The following MARK3 variants were observed in gnomAD, a reference collection of about 807,000 sequenced individuals.
The protein encoded by MARK3 is MAP/microtubule affinity-regulating kinase 3.
Under a neutral mutation model 90.1 loss-of-function variants are expected in MARK3, and 46 were observed. The observed-to-expected ratio is 0.51, with a 90% CI of 0.40 to 0.65. The LOEUF (loss-of-function observed/expected upper bound fraction) is 0.65, where lower values mean the gene tolerates loss of function less well. MARK3 is among the 30% of genes least tolerant of loss of function. MARK3 has a pLI of 0.00. For synonymous variants in MARK3, 321 were observed against 332.6 expected, an observed-to-expected ratio of 0.97 and a Z score of 0.38; for missense variants, 818 against 947.2, an observed-to-expected ratio of 0.86 and a Z score of 1.79.
At chr14:103,438,163 G>A (rs2092761414) in intron 3 of MARK3, among the ~76,000 whole-genome samples, 1 of 152,130 alleles carries the variant, frequency 6.6e-6, no homozygotes, top group Admixed American at 6.6e-5. Context: ...ACCACGCCCA[G>A]CTAATTTTTT....
intron 17 of MARK3, among the ~76,000 whole-genome samples, chr14:103,500,515 C>T (rs986508754): frequency 2.0e-5 from 3 of 152,188 alleles, no homozygotes; most frequent in Non-Finnish European, 4.4e-5. Context: ...ATCACTGACC[C>T]CTCACATGGT....
chr14:103,439,732 T>C (rs1381802485), intron 3 of MARK3, among the ~76,000 whole-genome samples: 1 of 151,986 alleles, frequency 6.6e-6, no homozygotes, highest in African/African-American at 2.4e-5. Context: ...GTTTAAAAAA[T>C]TGTATAAATG....
chr14:103,458,816 A>G, intron 6 of MARK3: 1 of 654,388 alleles, frequency 1.5e-6, no homozygotes, highest in Non-Finnish European at 2.7e-6. Context: ...GGACTTATTA[A>G]GTTTCTTATA....
intron 1 of MARK3, among the ~76,000 whole-genome samples, chr14:103,398,318 C>T (rs557601874): frequency 1.2e-4 from 18 of 152,178 alleles, no homozygotes; most frequent in Non-Finnish European, 2.1e-4. Context: ...TTTGTATTCC[C>T]GTTTCTCTGC....
At chr14:103,458,734 A>C (rs1164531658) in intron 6 of MARK3, 3 of 723,932 alleles carry the variant, frequency 4.1e-6, no homozygotes, top group East Asian at 2.5e-5. Context: ...CAGGGTTGTC[A>C]AGCTGGACAG....
chr14:103,421,421 C>G (rs1250080397), intron 2 of MARK3, among the ~76,000 whole-genome samples: 4 of 152,112 alleles, frequency 2.6e-5, no homozygotes, highest in Non-Finnish European at 5.9e-5. Context: ...TGGAGCAAGG[C>G]ATCAGGAAAA....
At chr14:103,418,943 C>T (rs1156767379) in intron 2 of MARK3, among the ~76,000 whole-genome samples, 1 of 152,104 alleles carries the variant, frequency 6.6e-6, no homozygotes, top group Non-Finnish European at 1.5e-5. Context: ...GTGTACAATG[C>T]CATTGATGAG....
chr14:103,436,634 G>A, intron 3 of MARK3, among the ~76,000 whole-genome samples: 1 of 151,994 alleles, frequency 6.6e-6, no homozygotes, highest in East Asian at 1.9e-4. Flanking sequence ...ATTGATTGAG[G>A]CTGGGTCTTA....
At chr14:103,477,650 C>G (rs1213199379) in intron 13 of MARK3, among the ~76,000 whole-genome samples, 1 of 149,150 alleles carries the variant, frequency 6.7e-6, no homozygotes, top group Non-Finnish European at 1.5e-5. Context: ...GTGCAGCCAA[C>G]ACCTGTCTTT....
chr14:103,469,458 A>G (rs1595831045), intron 12 of MARK3, among the ~76,000 whole-genome samples: 1 of 152,036 alleles, frequency 6.6e-6, no homozygotes, highest in African/African-American at 2.4e-5. Flanking sequence ...ATGGGATTAC[A>G]GGTGTGAGCC....
At chr14:103,449,229 TATA>T (rs1360107955) in intron 4 of MARK3, among the ~76,000 whole-genome samples, 3 of 151,560 alleles carry the variant, frequency 2.0e-5, no homozygotes, top group Non-Finnish European at 4.4e-5. Flanking sequence ...TATTAGAAAA[TATA>T]ATTGTATTGC....
At chr14:103,397,325 CA>C (rs1307314978) in intron 1 of MARK3, among the ~76,000 whole-genome samples, 2 of 131,156 alleles carry the variant, frequency 1.5e-5, no homozygotes, top group African/African-American at 2.6e-5. Flanking sequence ...ACTGAATAAA[CA>C]TTTTTTTTTT....
intron 3 of MARK3, among the ~76,000 whole-genome samples, chr14:103,433,460 G>T (rs190982249): frequency 7.2e-5 from 11 of 152,172 alleles, no homozygotes; most frequent in African/African-American, 2.6e-4. Flanking sequence ...TTGGGAGGCC[G>T]AGGCGGGTGG....
At chr14:103,485,572 C>G (rs1021546480) in intron 14 of MARK3, among the ~76,000 whole-genome samples, 1 of 152,110 alleles carries the variant, frequency 6.6e-6, no homozygotes, top group Non-Finnish European at 1.5e-5. Context: ...CATGCCTGTC[C>G]TTGGACTATA....
chr14:103,411,545 A>G (rs1417904613), intron 2 of MARK3, among the ~76,000 whole-genome samples: 1 of 151,922 alleles, frequency 6.6e-6, no homozygotes, highest in Non-Finnish European at 1.5e-5. Flanking sequence ...CTATACCCAT[A>G]CTGTGGTGTT....
intron 7 of MARK3, among the ~76,000 whole-genome samples, chr14:103,465,280 T>C (rs2093481491): frequency 6.6e-6 from 1 of 152,188 alleles, no homozygotes. Context: ...CATATTATTA[T>C]TATCAATTGA....
At chr14:103,389,663 G>C (rs1417470793) in intron 1 of MARK3, among the ~76,000 whole-genome samples, 3 of 151,792 alleles carry the variant, frequency 2.0e-5, no homozygotes, top group African/African-American at 7.3e-5. Flanking sequence ...TTTACTGTTG[G>C]CCAGGTGCAG....
At chr14:103,467,941 A>G (rs1049459551) in intron 11 of MARK3, 92 bp from the exon 12 acceptor site, 8 of 1,271,424 alleles carry the variant, frequency 6.3e-6, no homozygotes, top group African/African-American at 1.5e-5. Flanking sequence ...TGAACGGTTT[A>G]TGAGAGGTCT....
intron 7 of MARK3, 132 bp downstream of exon 7, chr14:103,462,593 TAATC>T (rs768474087): frequency 5.7e-4 from 298 of 520,848 alleles, no homozygotes; most frequent in Non-Finnish European, 8.7e-4. Context: ...TGAATCCTCT[TAATC>T]AAGTTATGGG....
Sources: allele counts gnomAD v4.1 joint callset (sites outside exome capture counted in the v4.1 genomes callset), GRCh38; gene constraint gnomAD v4.1.1; transcripts MANE v1.5; gene names NCBI Gene and HGNC (gene_info 2026-07-23, HGNC 2026-07-21).